CLIP2: variants seen among roughly 807,000 people sequenced by gnomAD.
The protein encoded by CLIP2 is CAP-Gly domain containing linker protein 2.
In CLIP2, 41 loss-of-function variants were observed where a neutral mutation model predicts 111.7. The observed-to-expected ratio is 0.37, with a 90% CI of 0.29 to 0.48. The LOEUF (loss-of-function observed/expected upper bound fraction) is 0.48. Among genes scored for constraint, CLIP2 ranks in the 20% least tolerant of loss-of-function variants. CLIP2 has a pLI of 0.99. For synonymous variants in CLIP2, 660 were observed against 644.2 expected (o/e 1.02, Z -0.37); for missense variants, 1,160 against 1,422.1 (o/e 0.82, Z 2.96).
At chr7:74,306,180 C>G (rs1344008836) in intron 1 of CLIP2, among the ~76,000 whole-genome samples, 1 of 152,174 alleles carries the variant, frequency 6.6e-6, no homozygotes, top group Admixed American at 6.5e-5. Flanking sequence ...TCCCTTGCTC[C>G]TCCGAGAGGT....
At chr7:74,359,571 G>T (rs1443606330) in intron 6 of CLIP2, among the ~76,000 whole-genome samples, 2 of 151,648 alleles carry the variant, frequency 1.3e-5, no homozygotes, top group Non-Finnish European at 2.9e-5. Flanking sequence ...TAGCCAGGAT[G>T]GTCTCAATCT....
Position 74,356,732 on chromosome 7 carries a change from T to A in CLIP2, c.1017+109T>A. On this transcript the variant is annotated intron_variant, in intron 5 of 16. Transcript: ENST00000223398. The stretch of plus-strand genomic sequence containing the variant: ...CCCCTGACTTACTCTAGTTCCAGTT[T>A]GGGATTTTTGAACAAAGAAGAAAGT... The A allele has an allele frequency of 7.7e-6, 8 of 1,040,004 alleles. No individual in the cohort carries two copies. The South Asian group carries it at 1.1e-4, about 15-fold the overall frequency. 64.4% of individuals were successfully genotyped at this position (1,040,004 alleles called of 1,614,324 possible). A position where few individuals can be genotyped will look rare whatever the true frequency, so the allele number is the denominator to read the frequency against.
At chr7:74,366,585 T>C (rs904569023) in intron 8 of CLIP2, among the ~76,000 whole-genome samples, 24 of 152,070 alleles carry the variant, frequency 1.6e-4, no homozygotes, top group African/African-American at 5.8e-4. Context: ...AAGCCAGAAG[T>C]CTAAAATAAA....
At chr7:74,375,254 T>TAA (rs113498214) in intron 9 of CLIP2, among the ~76,000 whole-genome samples, 2 of 142,286 alleles carry the variant, frequency 1.4e-5, no homozygotes, top group East Asian at 2.0e-4. Context: ...CCGTCTCTTT[T>TAA]AAAAAAAAAA....
intron 9 of CLIP2, among the ~76,000 whole-genome samples, chr7:74,374,774 C>A (rs928996582): frequency 6.6e-6 from 1 of 152,006 alleles, no homozygotes; most frequent in African/African-American, 2.4e-5. Flanking sequence ...CTAAAGGATA[C>A]CTTCAGAAAC....
intron 1 of CLIP2, among the ~76,000 whole-genome samples, chr7:74,306,418 G>A (rs952946494): frequency 5.9e-5 from 9 of 152,244 alleles, no homozygotes; most frequent in African/African-American, 1.9e-4. Flanking sequence ...CTGCCCCTCC[G>A]GGAGAGAGCC....
intron 12 of CLIP2, among the ~76,000 whole-genome samples, chr7:74,386,972 G>A (rs1222266151): frequency 6.8e-5 from 10 of 147,542 alleles, no homozygotes; most frequent in East Asian, 4.1e-4. Context: ...CCAGTGAGCC[G>A]AGATGGCGCC....
At chr7:74,313,200 G>C (rs1424092403) in intron 1 of CLIP2, among the ~76,000 whole-genome samples, 10 of 151,834 alleles carry the variant, frequency 6.6e-5, no homozygotes, top group African/African-American at 2.4e-4. Flanking sequence ...GTGGTGGCAT[G>C]CACCTGTGGT....
intron 12 of CLIP2, 130 bp from the exon 13 acceptor site, chr7:74,388,973 C>T (rs7790414): frequency 0.16 from 179,217 of 1,123,428 alleles, 15,407 homozygotes; most frequent in African/African-American, 0.18. Flanking sequence ...ACCGTCAAAA[C>T]TATGCAGTGG....
intron 8 of CLIP2, among the ~76,000 whole-genome samples, chr7:74,369,137 G>A (rs1790536952): frequency 6.6e-6 from 1 of 152,188 alleles, no homozygotes; most frequent in South Asian, 2.1e-4. Context: ...GATCACTTGA[G>A]GTCAGGAGAT....
chr7:74,301,675 A>G (rs1788339508), intron 1 of CLIP2, among the ~76,000 whole-genome samples: 1 of 150,742 alleles, frequency 6.6e-6, no homozygotes, highest in Non-Finnish European at 1.5e-5. Flanking sequence ...TACAGGCGTG[A>G]GCCACTGCGC....
intron 14 of CLIP2, among the ~76,000 whole-genome samples, chr7:74,398,951 T>C (rs1554317122): frequency 6.6e-6 from 1 of 152,226 alleles, no homozygotes; most frequent in Non-Finnish European, 1.5e-5. Flanking sequence ...ACTTGGGAAG[T>C]GGCGGCCTCT....
At chr7:74,307,041 G>A (rs1382354922) in intron 1 of CLIP2, among the ~76,000 whole-genome samples, 1 of 152,178 alleles carries the variant, frequency 6.6e-6, no homozygotes, top group Non-Finnish European at 1.5e-5. Context: ...TGAGTCACAC[G>A]AGGGCAGGTG....
At chr7:74,317,815 A>C in intron 2 of CLIP2, 148 bp downstream of exon 2, 12 of 1,065,618 alleles carry the variant, frequency 1.1e-5, no homozygotes, top group Non-Finnish European at 1.5e-5. Flanking sequence ...GGGCCTGATC[A>C]ACACTGGGAG....
At chr7:74,311,741 C>T (rs1258132671) in intron 1 of CLIP2, among the ~76,000 whole-genome samples, 1 of 151,734 alleles carries the variant, frequency 6.6e-6, no homozygotes, top group Non-Finnish European at 1.5e-5. Flanking sequence ...TAGACCCAGT[C>T]TCTACAAAAA....
intron 2 of CLIP2, among the ~76,000 whole-genome samples, chr7:74,329,087 G>T (rs868935937): frequency 6.8e-4 from 76 of 111,050 alleles, no homozygotes; most frequent in Middle Eastern, 0.013. Flanking sequence ...TTTTTTTTTG[G>T]TTTTTTTTTT....
At chr7:74,294,489 TGAGCCCTGAGC>T (rs1307424990) in intron 1 of CLIP2, among the ~76,000 whole-genome samples, 2 of 152,200 alleles carry the variant, frequency 1.3e-5, no homozygotes, top group African/African-American at 2.4e-5. Context: ...CACTCTAGCC[TGAGCCCTGAGC>T]GACACCCGCT....
chr7:74,389,374 G>T, intron 13 of CLIP2, 115 bp downstream of exon 13: 1 of 1,133,702 alleles, frequency 8.8e-7, no homozygotes, highest in South Asian at 1.7e-5. Context: ...TGGTGGGCCA[G>T]GTGGCCGATC....
At chr7:74,290,971 G>A (rs1440998902) in intron 1 of CLIP2, among the ~76,000 whole-genome samples, 4 of 152,176 alleles carry the variant, frequency 2.6e-5, no homozygotes, top group African/African-American at 9.7e-5. Context: ...AAGCTTCATA[G>A]AGCATCTTGC....
Sources: allele counts gnomAD v4.1 joint callset (sites outside exome capture counted in the v4.1 genomes callset), GRCh38; gene constraint gnomAD v4.1.1; transcripts MANE v1.5; gene names NCBI Gene and HGNC (gene_info 2026-07-23, HGNC 2026-07-21).